Variants in ZNF618 observed in about 807,000 individuals in gnomAD.
ZNF618 encodes the protein zinc finger protein 618.
In ZNF618, 34 loss-of-function variants were observed where a neutral mutation model predicts 103.0. That is an observed-to-expected ratio of 0.33 (90% confidence interval 0.25 to 0.44). The LOEUF is 0.44. Among genes scored for constraint, ZNF618 ranks in the 20% least tolerant of loss-of-function variants. The probability of loss-of-function intolerance (pLI) is 1.00; values close to 1 mark genes in which losing one functional copy is unlikely to be tolerated. For missense variants in ZNF618, 1,059 were observed against 1,295.4 expected, an observed-to-expected ratio of 0.82 and a Z score of 2.80; for synonymous variants, 551 against 542.2, an observed-to-expected ratio of 1.02 and a Z score of -0.23.
At chr9:113,987,641 C>G (rs1167401604) in intron 2 of ZNF618, among the ~76,000 whole-genome samples, 2 of 152,224 alleles carry the variant, frequency 1.3e-5, no homozygotes, top group African/African-American at 4.8e-5. Flanking sequence ...CCTTACCGCC[C>G]AAAGCGTAGT....
chr9:113,910,520 G>A (rs1251016642), intron 1 of ZNF618, among the ~76,000 whole-genome samples: 3 of 152,270 alleles, frequency 2.0e-5, no homozygotes, highest in South Asian at 2.1e-4. Context: ...TCAGGTGTGC[G>A]CGGCTGCTGT....
chr9:114,053,660 T>A lies in ZNF618; in HGVS notation c.*3493T>A, dbSNP rs895391675. 2.6e-5 allele frequency: 4 copies of A among 152,200 alleles called. No individual in the cohort carries two copies. The highest frequency in any genetic ancestry group is 7.2e-5 in the African/African-American group (3 of 41,444). 9.4% of individuals were successfully genotyped at this position (152,200 alleles called of 1,614,324 possible). On this transcript the variant is annotated 3_prime_UTR_variant, in exon 15 of 15. Transcript: ENST00000374126. ...CCTCGGAGTGGAGTAGCCCAAGGAA[T>A]CTCAGGTCCACCAAGAGCATTGGTA...
chr9:114,046,435 A>G (rs1432098349), intron 13 of ZNF618, among the ~76,000 whole-genome samples: 1 of 152,238 alleles, frequency 6.6e-6, no homozygotes, highest in Non-Finnish European at 1.5e-5. Context: ...GCAGTAGGCT[A>G]TACCGTATAG....
At chr9:113,891,908 A>G (rs1345105876) in intron 1 of ZNF618, among the ~76,000 whole-genome samples, 2 of 152,230 alleles carry the variant, frequency 1.3e-5, no homozygotes, top group African/African-American at 4.8e-5. Flanking sequence ...AAAATGGAGG[A>G]AATCCTGTCA....
chr9:113,939,406 A>G (rs951893936), intron 1 of ZNF618, among the ~76,000 whole-genome samples: 3 of 152,106 alleles, frequency 2.0e-5, no homozygotes, highest in Non-Finnish European at 2.9e-5. Context: ...GCTAACATTT[A>G]TATAGGAATT....
intron 1 of ZNF618, among the ~76,000 whole-genome samples, chr9:113,913,729 G>A (rs1484499851): frequency 6.6e-6 from 1 of 151,524 alleles, no homozygotes; most frequent in Admixed American, 6.6e-5. Flanking sequence ...CAATGGTCTT[G>A]AGGGAGGGAG....
intron 6 of ZNF618, among the ~76,000 whole-genome samples, chr9:114,003,020 G>A (rs931802309): frequency 7.2e-5 from 11 of 152,186 alleles, no homozygotes; most frequent in African/African-American, 2.2e-4. Context: ...ATCTCCCATG[G>A]GTGCCCTGGA....
Position 113,929,196 on chromosome 9 carries a change from C to G in ZNF618, c.34-39921C>G, listed in dbSNP as rs140655396. ...TGAAAATGTGATGACTCCCCTAAGACTGGACCCCAGATTTTAACTCTCAAG... is the reference window on the plus strand; with the variant it reads ...TGAAAATGTGATGACTCCCCTAAGAGTGGACCCCAGATTTTAACTCTCAAG... On this transcript the variant is annotated intron_variant, in intron 1 of 14. Coordinates refer to ENST00000374126, the MANE Select transcript of ZNF618 (RefSeq NM_001318042.2). Among the ~76,000 whole-genome samples, 291 of 152,310 alleles carry G rather than the reference C, an allele frequency of 1.9e-3. 1 individual carries two copies. Among genetic ancestry groups the G allele is most frequent in the Middle Eastern group, 3.4e-3 (1 of 294 alleles).
At chr9:113,957,426 T>G (rs1836413346) in intron 1 of ZNF618, among the ~76,000 whole-genome samples, 1 of 152,158 alleles carries the variant, frequency 6.6e-6, no homozygotes, top group Admixed American at 6.5e-5. Context: ...ATGTCAGAGT[T>G]GGAATGTTTC....
chr9:113,897,366 C>T (rs1027560681), intron 1 of ZNF618, among the ~76,000 whole-genome samples: 10 of 152,266 alleles, frequency 6.6e-5, no homozygotes, highest in East Asian at 3.9e-4. Context: ...CGAGGATACA[C>T]GATATTTTGC....
intron 1 of ZNF618, among the ~76,000 whole-genome samples, chr9:113,921,535 C>T (rs1003693460): frequency 1.3e-5 from 2 of 152,180 alleles, no homozygotes; most frequent in African/African-American, 2.4e-5. Flanking sequence ...TCCAGAGTCT[C>T]GAAACACCCA....
intron 1 of ZNF618, among the ~76,000 whole-genome samples, chr9:113,921,843 C>T (rs1221090128): frequency 2.0e-5 from 3 of 152,122 alleles, no homozygotes; most frequent in South Asian, 4.1e-4. Flanking sequence ...ATCATCACTT[C>T]GGATGCTTCC....
intron 1 of ZNF618, among the ~76,000 whole-genome samples, chr9:113,951,015 G>A (rs1371007021): frequency 1.4e-5 from 2 of 147,882 alleles, no homozygotes; most frequent in Non-Finnish European, 3.0e-5. Context: ...GGAAGGGAGG[G>A]GGGGACAGGA....
intron 9 of ZNF618, among the ~76,000 whole-genome samples, chr9:114,009,315 G>A (rs995171784): frequency 2.0e-5 from 3 of 152,190 alleles, no homozygotes; most frequent in East Asian, 3.9e-4. Context: ...CCATGCCAAG[G>A]CTGGAGAGCC....
At position 114,049,351 on chromosome 9, in the gene ZNF618, G is replaced by A; in HGVS notation, c.2049G>A (p.Gly683=). The A allele has an allele frequency of 6.2e-7, 1 of 1,609,968 alleles. No individual in the cohort carries two copies. Among genetic ancestry groups the A allele is most frequent in the Non-Finnish European group, 8.5e-7 (1 of 1,178,766 alleles). The change falls in exon 15 of 15, where the codon GGG becomes GGA. Residue 683 remains glycine (G), a synonymous_variant. Transcript: ENST00000374126. ...CGGGCCTGGCCAAGGAGACCTTCGG[G>A]TCGCTGGAGGAGACGTCTCCACCAC... The part of the protein sequence containing the change: ...GSTGLAKETF[G]SLEETSPPPC...
chr9:113,951,536 T>TAC (rs753044592), intron 1 of ZNF618, among the ~76,000 whole-genome samples: 1 of 76,982 alleles, frequency 1.3e-5, no homozygotes, highest in Admixed American at 1.6e-4. Context: ...CATATGTGTG[T>TAC]ACATATGTAC....
intron 1 of ZNF618, among the ~76,000 whole-genome samples, chr9:113,924,927 C>T (rs1023465381): frequency 1.3e-5 from 2 of 151,728 alleles, no homozygotes; most frequent in African/African-American, 4.8e-5. Context: ...CGTTAGGGTG[C>T]TCTTTTGGGC....
At chr9:113,905,299 G>C (rs1266579216) in intron 1 of ZNF618, among the ~76,000 whole-genome samples, 1 of 152,090 alleles carries the variant, frequency 6.6e-6, no homozygotes, top group Non-Finnish European at 1.5e-5. Context: ...CAAGTGATCT[G>C]CCTTTGCCTC....
chr9:114,023,854 A>AT (rs1843272121), intron 10 of ZNF618, among the ~76,000 whole-genome samples: 1 of 151,742 alleles, frequency 6.6e-6, no homozygotes, highest in South Asian at 2.1e-4. Flanking sequence ...TTTAGTGTAT[A>AT]TTTTTTCTCT....
Sources: allele counts gnomAD v4.1 joint callset (sites outside exome capture counted in the v4.1 genomes callset), GRCh38; gene constraint gnomAD v4.1.1; transcripts MANE v1.5; gene names NCBI Gene and HGNC (gene_info 2026-07-23, HGNC 2026-07-21).